OPCML: variants seen among roughly 807,000 people sequenced by gnomAD.
The protein encoded by OPCML is opioid binding protein/cell adhesion molecule like.
A neutral mutation model predicts 37.8 loss-of-function variants in OPCML; 13 were observed. That is an observed-to-expected ratio of 0.34 (90% CI 0.22 to 0.55). OPCML has a LOEUF of 0.55. Among genes scored for constraint, OPCML ranks in the 20% least tolerant of loss-of-function variants. The pLI is 0.91. For synonymous variants in OPCML, 176 were observed against 168.8 expected (o/e 1.04, Z -0.33); for missense variants, 341 against 435.6 (o/e 0.78, Z 1.93).
intron 1 of OPCML, among the ~76,000 whole-genome samples, chr11:133,237,295 C>T (rs930764088): frequency 3.3e-5 from 5 of 152,222 alleles, no homozygotes; most frequent in African/African-American, 1.2e-4. Context: ...AGCCCACATG[C>T]CCCGGCTGCT....
At chr11:133,328,456 C>G (rs974570555) in intron 1 of OPCML, among the ~76,000 whole-genome samples, 2 of 152,126 alleles carry the variant, frequency 1.3e-5, no homozygotes, top group African/African-American at 2.4e-5. Flanking sequence ...CTGTGCCCAG[C>G]CTTAAAGATT....
chr11:133,324,605 G>A (rs1343920210), intron 1 of OPCML, among the ~76,000 whole-genome samples: 1 of 152,162 alleles, frequency 6.6e-6, no homozygotes, highest in Non-Finnish European at 1.5e-5. Context: ...GCCCCAGGTG[G>A]GCTGTCTCTC....
chr11:132,996,792 C>G (rs1031550077), intron 1 of OPCML, among the ~76,000 whole-genome samples: 8 of 152,100 alleles, frequency 5.3e-5, no homozygotes, highest in Non-Finnish European at 8.8e-5. Context: ...TAAGGCCAGT[C>G]AAAACCATTC....
intron 1 of OPCML, chr11:133,024,764 T>C: frequency 1.0e-6 from 1 of 981,744 alleles, no homozygotes; most frequent in Non-Finnish European, 1.2e-6. Context: ...ATAAGGGCAT[T>C]TTGTGGAAGA....
intron 1 of OPCML, among the ~76,000 whole-genome samples, chr11:133,084,856 A>G (rs929839741): frequency 2.0e-5 from 3 of 152,196 alleles, no homozygotes; most frequent in Non-Finnish European, 4.4e-5. Flanking sequence ...AGCATCTACC[A>G]TACAATATAG....
At chr11:132,531,734 T>C (rs1591514954) in intron 3 of OPCML, among the ~76,000 whole-genome samples, 2 of 149,324 alleles carry the variant, frequency 1.3e-5, no homozygotes, top group African/African-American at 5.0e-5. Context: ...CACTGCATTC[T>C]CTTGAGAAAC....
intron 2 of OPCML, among the ~76,000 whole-genome samples, chr11:132,864,888 G>A (rs576705361): frequency 7.2e-5 from 11 of 152,302 alleles, no homozygotes; most frequent in Non-Finnish European, 1.5e-4. Context: ...TCTACCCTGG[G>A]CCAGGCACTA....
At chr11:133,051,811 T>C (rs185795487) in intron 1 of OPCML, among the ~76,000 whole-genome samples, 1 of 152,326 alleles carries the variant, frequency 6.6e-6, no homozygotes, top group Non-Finnish European at 1.5e-5. Flanking sequence ...TTCTGTGGTG[T>C]TCCTCTCTCC....
chr11:132,668,266 G>A (rs542305955), intron 2 of OPCML, among the ~76,000 whole-genome samples: 26 of 152,304 alleles, frequency 1.7e-4, no homozygotes, highest in African/African-American at 5.1e-4. Context: ...ATGATGATGA[G>A]AGCTGAGAGT....
At chr11:132,665,616 G>A (rs993003141) in intron 2 of OPCML, among the ~76,000 whole-genome samples, 6 of 152,258 alleles carry the variant, frequency 3.9e-5, no homozygotes, top group South Asian at 2.1e-4. Context: ...GAAGTAAAGC[G>A]TAGGGTAGCG....
intron 2 of OPCML, among the ~76,000 whole-genome samples, chr11:132,751,606 A>G (rs188250313): frequency 6.8e-4 from 103 of 152,336 alleles, no homozygotes; most frequent in Admixed American, 2.4e-3. Flanking sequence ...CTTCACTCCA[A>G]TTTCAAGAAA....
At chr11:133,204,233 T>G (rs1221888065) in intron 1 of OPCML, among the ~76,000 whole-genome samples, 1 of 152,166 alleles carries the variant, frequency 6.6e-6, no homozygotes, top group Non-Finnish European at 1.5e-5. Flanking sequence ...AATGTCAAAT[T>G]AAAAGAAAAC....
chr11:132,707,360 T>A (rs1363700827), intron 2 of OPCML, among the ~76,000 whole-genome samples: 1 of 152,186 alleles, frequency 6.6e-6, no homozygotes, highest in Admixed American at 6.5e-5. Context: ...TAAATGATAT[T>A]ATTGCTCTAA....
chr11:132,591,944 C>T (rs1292406541), intron 3 of OPCML, among the ~76,000 whole-genome samples: 1 of 152,010 alleles, frequency 6.6e-6, no homozygotes, highest in African/African-American at 2.4e-5. Flanking sequence ...AGCAATCAAA[C>T]GTGATATACT....
intron 1 of OPCML, among the ~76,000 whole-genome samples, chr11:132,952,790 A>G (rs1217413126): frequency 6.6e-6 from 1 of 152,148 alleles, no homozygotes; most frequent in Non-Finnish European, 1.5e-5. Context: ...GCGGTGATGC[A>G]TGGGAAAGTG....
chr11:132,619,897 C>A (rs1407288638), intron 3 of OPCML, among the ~76,000 whole-genome samples: 1 of 151,004 alleles, frequency 6.6e-6, no homozygotes, highest in East Asian at 1.9e-4. Flanking sequence ...GAAAATATTC[C>A]CTAGTGAATG....
intron 4 of OPCML, among the ~76,000 whole-genome samples, chr11:132,490,317 C>G (rs1479701606): frequency 6.6e-6 from 1 of 151,876 alleles, no homozygotes; most frequent in Admixed American, 6.6e-5. Flanking sequence ...TTTTCCATAC[C>G]CTGAAATCAC....
chr11:132,450,975 T>A (rs572080813), intron 4 of OPCML, among the ~76,000 whole-genome samples: 1 of 152,254 alleles, frequency 6.6e-6, no homozygotes, highest in African/African-American at 2.4e-5. Flanking sequence ...ACTCAATGTG[T>A]GTGTGTGTGC....
At chr11:133,526,448 A>T (rs1948493470) in intron 1 of OPCML, among the ~76,000 whole-genome samples, 1 of 152,210 alleles carries the variant, frequency 6.6e-6, no homozygotes, top group African/African-American at 2.4e-5. Context: ...AGGAAGGGGC[A>T]TGCATCTATG....
Sources: gnomAD v4.1 joint callset for allele counts (sites outside exome capture counted in the v4.1 genomes callset) on GRCh38, gnomAD v4.1.1 for gene constraint, MANE v1.5 for transcripts, NCBI Gene and HGNC (gene_info 2026-07-23, HGNC 2026-07-21) for gene names.